MALRD1: variants seen among roughly 807,000 people sequenced by gnomAD.
The protein encoded by MALRD1 is MAM and LDL receptor class A domain containing 1, also known as MAM and LDL-receptor class A domain-containing protein 1.
A neutral mutation model predicts 242.1 loss-of-function variants in MALRD1; 247 were observed. The observed-to-expected ratio is 1.02, with a 90% CI of 0.92 to 1.13. MALRD1 has a LOEUF of 1.13. Ranked by LOEUF, MALRD1 falls within the 50% of genes most tolerant of loss-of-function variation. MALRD1 has a pLI of 0.00. For missense variants in MALRD1, 2,989 were observed against 2,533.1 expected, an observed-to-expected ratio of 1.18 and a Z score of -3.86; for synonymous variants, 995 against 866.6, an observed-to-expected ratio of 1.15 and a Z score of -2.60.
intron 14 of MALRD1, among the ~76,000 whole-genome samples, chr10:19,194,261 T>C (rs1588680102): frequency 1.3e-5 from 2 of 152,246 alleles, no homozygotes; most frequent in East Asian, 1.9e-4. Flanking sequence ...TAAACGTAGG[T>C]TATTTGTAAG....
intron 26 of MALRD1, among the ~76,000 whole-genome samples, chr10:19,378,665 C>G (rs1018359705): frequency 2.0e-5 from 3 of 152,070 alleles, no homozygotes; most frequent in African/African-American, 7.2e-5. Flanking sequence ...GAATTCCTTG[C>G]ACTCTGACAT....
chr10:19,243,451 A>T (rs1183353381), intron 18 of MALRD1, among the ~76,000 whole-genome samples: 1 of 152,146 alleles, frequency 6.6e-6, no homozygotes, highest in Non-Finnish European at 1.5e-5. Flanking sequence ...ACCATCCACC[A>T]TAGATTTTAC....
chr10:19,312,185 GA>G (rs1842452227), intron 21 of MALRD1, among the ~76,000 whole-genome samples: 1 of 151,252 alleles, frequency 6.6e-6, no homozygotes, highest in Non-Finnish European at 1.5e-5. Flanking sequence ...GGCACCACGT[GA>G]ATTCCCTCAT....
At chr10:19,140,545 G>GTGTGTGTGTGTGTGTGTA (rs1173015698) in intron 10 of MALRD1, among the ~76,000 whole-genome samples, 1 of 43,340 alleles carries the variant, frequency 2.3e-5, no homozygotes, top group African/African-American at 2.0e-4. Context: ...GTGTGTGTAT[G>GTGTGTGTGTGTGTGTGTA]TGTGTGTGTG....
At chr10:19,731,287 T>G (rs1835286019) in intron 39 of MALRD1, among the ~76,000 whole-genome samples, 1 of 152,224 alleles carries the variant, frequency 6.6e-6, no homozygotes, top group Non-Finnish European at 1.5e-5. Context: ...GGGCTACCCC[T>G]TATTTTTATA....
intron 28 of MALRD1, among the ~76,000 whole-genome samples, chr10:19,437,473 A>C (rs1834395255): frequency 6.6e-6 from 1 of 151,960 alleles, no homozygotes; most frequent in South Asian, 2.1e-4. Context: ...TAACATTTTG[A>C]ATTGTTCTTC....
In MALRD1 at chr10:19,587,788, G is replaced by A. The variant is rs184237822; in HGVS notation, c.5681-7406G>A. Among the ~76,000 whole-genome samples the A allele has an allele frequency of 4.5e-3, 683 of 151,946 alleles. 6 individuals are homozygous for A. Among genetic ancestry groups the A allele is most frequent in the South Asian group, 9.6e-3 (46 of 4,808 alleles). Reference sequence around the variant, plus strand: ...ACTGGGAATGTCGAAGTTCCTAAATGCCAGGAATTGGAACTGTCTGCATAG... The same window carrying A: ...ACTGGGAATGTCGAAGTTCCTAAATACCAGGAATTGGAACTGTCTGCATAG... On this transcript the variant is annotated intron_variant, in intron 33 of 39. Coordinates refer to ENST00000454679, the MANE Select transcript of MALRD1 (RefSeq NM_001142308.3).
At chr10:19,417,151 A>G (rs1418350255) in intron 28 of MALRD1, among the ~76,000 whole-genome samples, 1 of 152,064 alleles carries the variant, frequency 6.6e-6, no homozygotes, top group Non-Finnish European at 1.5e-5. Flanking sequence ...TAAATACTGG[A>G]TTACCTGAGG....
At position 19,134,075 on chromosome 10, in the gene MALRD1, G is replaced by A. The variant is rs1032703654; in HGVS notation, c.1203+127G>A. The A allele has an allele frequency of 4.9e-5, 20 of 406,606 alleles. No individual in the cohort carries two copies. In the Admixed American group the frequency reaches 8.6e-4, roughly 18 times the overall value. The allele number at this position is 406,606 out of a possible 1,614,324, so 25.2% of individuals were successfully genotyped here. A position where few individuals can be genotyped will look rare whatever the true frequency, so the allele number is the denominator to read the frequency against. ...TTAGGGATGCGTGCTTGTATATTTG[G>A]GGAGAGTGATTGCTTACTTTTTAAA... On this transcript the variant is annotated intron_variant, in intron 9 of 39. Coordinates refer to ENST00000454679, the MANE Select transcript of MALRD1 (RefSeq NM_001142308.3).
chr10:19,436,312 A>G (rs1834349686), intron 28 of MALRD1, among the ~76,000 whole-genome samples: 1 of 152,188 alleles, frequency 6.6e-6, no homozygotes, highest in Admixed American at 6.6e-5. Flanking sequence ...AAATATTTGT[A>G]TATGCAATCA....
intron 38 of MALRD1, among the ~76,000 whole-genome samples, chr10:19,726,498 G>A (rs1468021733): frequency 1.3e-5 from 2 of 152,124 alleles, no homozygotes; most frequent in African/African-American, 4.8e-5. Context: ...CACATTGTTG[G>A]TGGGAATGTA....
intron 36 of MALRD1, among the ~76,000 whole-genome samples, chr10:19,660,783 A>G (rs889751545): frequency 6.6e-6 from 1 of 152,180 alleles, no homozygotes; most frequent in African/African-American, 2.4e-5. Context: ...CTAGTTAGCC[A>G]TAGTTCTCAT....
intron 29 of MALRD1, among the ~76,000 whole-genome samples, chr10:19,483,462 A>C (rs1026818703): frequency 1.3e-5 from 2 of 152,030 alleles, no homozygotes; most frequent in African/African-American, 4.8e-5. Flanking sequence ...AAGCAAAAAA[A>C]CCCATTAAAA....
intron 7 of MALRD1, among the ~76,000 whole-genome samples, chr10:19,125,355 T>A (rs1837241846): frequency 8.8e-6 from 1 of 113,238 alleles, no homozygotes; most frequent in Non-Finnish European, 1.8e-5. Context: ...CTTTCTTTCT[T>A]TCTTTCTTTC....
intron 18 of MALRD1, among the ~76,000 whole-genome samples, chr10:19,235,613 A>AGAGAGAGAGAGAGAGAGAGC (rs769851042): frequency 5.6e-5 from 8 of 143,734 alleles, no homozygotes; most frequent in African/African-American, 1.6e-4. Flanking sequence ...AGAGAGAGAG[A>AGAGAGAGAGAGAGAGAGAGC]GCGCCTAGGT....
chr10:19,208,581 A>G (rs1005461738), intron 17 of MALRD1, among the ~76,000 whole-genome samples: 3 of 152,214 alleles, frequency 2.0e-5, no homozygotes, highest in African/African-American at 7.2e-5. Context: ...AACCAAAGAC[A>G]AGAGATTTTG....
chr10:19,301,687 GAAC>G (rs1286545495), intron 21 of MALRD1, among the ~76,000 whole-genome samples: 1 of 151,684 alleles, frequency 6.6e-6, no homozygotes, highest in African/African-American at 2.4e-5. Context: ...ACAAAGAAGG[GAAC>G]AACAGTCACC....
intron 33 of MALRD1, among the ~76,000 whole-genome samples, chr10:19,587,606 A>G (rs751273237): frequency 4.6e-5 from 7 of 152,254 alleles, no homozygotes; most frequent in South Asian, 2.1e-4. Context: ...TTTTATTCCT[A>G]TAAGAAATAT....
At chr10:19,054,111 A>C (rs936286050) in intron 1 of MALRD1, among the ~76,000 whole-genome samples, 1 of 152,132 alleles carries the variant, frequency 6.6e-6, no homozygotes, top group Non-Finnish European at 1.5e-5. Context: ...TAATTTTTTT[A>C]AAAAAATTTT....
Sources: allele counts gnomAD v4.1 joint callset (sites outside exome capture counted in the v4.1 genomes callset), GRCh38; gene constraint gnomAD v4.1.1; transcripts MANE v1.5; gene names NCBI Gene and HGNC (gene_info 2026-07-23, HGNC 2026-07-21).